Variants in LRMDA observed in about 807,000 individuals in gnomAD.
LRMDA encodes the protein leucine rich melanocyte differentiation associated.
A neutral mutation model predicts 29.8 loss-of-function variants in LRMDA; 18 were observed. The observed-to-expected ratio is 0.60, with a 90% CI of 0.42 to 0.90. The LOEUF is 0.90. Among genes scored for constraint, LRMDA ranks in the 40% least tolerant of loss-of-function variants. LRMDA has a pLI of 0.00. For synonymous variants in LRMDA, 125 were observed against 109.4 expected, an observed-to-expected ratio of 1.14 and a Z score of -0.89; for missense variants, 273 against 273.9, an observed-to-expected ratio of 1.00 and a Z score of 0.02.
At chr10:75,610,901 A>T (rs1270639168) in intron 2 of LRMDA, among the ~76,000 whole-genome samples, 1 of 152,092 alleles carries the variant, frequency 6.6e-6, no homozygotes, top group African/African-American at 2.4e-5. Flanking sequence ...GGAGTCGTAA[A>T]TTTTTCTTTT....
intron 5 of LRMDA, among the ~76,000 whole-genome samples, chr10:76,158,329 A>C (rs1414672673): frequency 1.3e-5 from 2 of 152,194 alleles, no homozygotes; most frequent in Admixed American, 1.3e-4. Flanking sequence ...CTTCTAAACC[A>C]GGCCCCTTTG....
intron 5 of LRMDA, among the ~76,000 whole-genome samples, chr10:76,136,567 G>A (rs1850098073): frequency 1.3e-5 from 2 of 151,378 alleles, no homozygotes; most frequent in Non-Finnish European, 2.9e-5. Context: ...GGAAGGTTTT[G>A]TGTCTTCCAG....
At chr10:76,397,313 T>C (rs893780730) in intron 6 of LRMDA, among the ~76,000 whole-genome samples, 1 of 152,136 alleles carries the variant, frequency 6.6e-6, no homozygotes, top group Non-Finnish European at 1.5e-5. Flanking sequence ...CTGTTTTTAT[T>C]GGCCATGCCT....
At chr10:76,518,295 C>CTATCTATA (rs1476744859) in intron 6 of LRMDA, among the ~76,000 whole-genome samples, 3 of 150,174 alleles carry the variant, frequency 2.0e-5, no homozygotes, top group Non-Finnish European at 4.4e-5. Flanking sequence ...ATCTATCTAT[C>CTATCTATA]TATCTATCTA....
intron 5 of LRMDA, among the ~76,000 whole-genome samples, chr10:76,130,346 C>T (rs193060447): frequency 5.3e-5 from 8 of 152,336 alleles, no homozygotes; most frequent in Admixed American, 1.3e-4. Context: ...AACCTCACCT[C>T]TGTTACTCTC....
intron 2 of LRMDA, among the ~76,000 whole-genome samples, chr10:75,647,358 C>T (rs551319230): frequency 6.6e-6 from 1 of 152,298 alleles, no homozygotes; most frequent in Non-Finnish European, 1.5e-5. Context: ...GAGACTCAAA[C>T]AGGCTGGGGA....
intron 2 of LRMDA, among the ~76,000 whole-genome samples, chr10:75,613,071 G>T (rs879509144): frequency 1.3e-5 from 2 of 151,734 alleles, no homozygotes; most frequent in African/African-American, 4.8e-5. Flanking sequence ...CTCAGGACAG[G>T]CATGTTACAC....
intron 2 of LRMDA, among the ~76,000 whole-genome samples, chr10:75,620,581 C>A (rs1397975506): frequency 2.0e-5 from 3 of 152,194 alleles, no homozygotes; most frequent in Non-Finnish European, 4.4e-5. Flanking sequence ...TTGGTATATA[C>A]AGTCTTGCTC....
intron 5 of LRMDA, among the ~76,000 whole-genome samples, chr10:76,194,242 G>A (rs982275439): frequency 4.6e-5 from 7 of 152,192 alleles, no homozygotes; most frequent in Non-Finnish European, 7.3e-5. Flanking sequence ...AACAGGATAA[G>A]ATTTGTGTTT....
intron 5 of LRMDA, among the ~76,000 whole-genome samples, chr10:76,259,546 G>C (rs1478137033): frequency 6.6e-6 from 1 of 152,010 alleles, no homozygotes; most frequent in Non-Finnish European, 1.5e-5. Context: ...TGTAGCTGTT[G>C]GCTGAAATGT....
At chr10:76,477,839 G>A (rs1320370698) in intron 6 of LRMDA, among the ~76,000 whole-genome samples, 2 of 152,126 alleles carry the variant, frequency 1.3e-5, no homozygotes, top group African/African-American at 2.4e-5. Flanking sequence ...TGGGAAAACT[G>A]GCTAGCCATA....
At chr10:75,845,491 T>C (rs1036852032) in intron 2 of LRMDA, among the ~76,000 whole-genome samples, 2 of 152,356 alleles carry the variant, frequency 1.3e-5, no homozygotes, top group Non-Finnish European at 2.9e-5. Flanking sequence ...GTGTCCCTCA[T>C]TGGCATTTGG....
intron 6 of LRMDA, among the ~76,000 whole-genome samples, chr10:76,413,015 T>C (rs1488765652): frequency 6.6e-6 from 1 of 152,188 alleles, no homozygotes; most frequent in Admixed American, 6.5e-5. Flanking sequence ...TTTGCCTTAC[T>C]GACTCTTTGG....
At chr10:75,791,430 A>G (rs1479557070) in intron 2 of LRMDA, among the ~76,000 whole-genome samples, 1 of 152,230 alleles carries the variant, frequency 6.6e-6, no homozygotes, top group Non-Finnish European at 1.5e-5. Flanking sequence ...ATTTTTTAAT[A>G]AAGCCATTTA....
chr10:76,255,865 G>T (rs1193290186), intron 5 of LRMDA, among the ~76,000 whole-genome samples: 1 of 152,190 alleles, frequency 6.6e-6, no homozygotes. Context: ...GTCTGAAGGG[G>T]ATTTAATTTA....
intron 2 of LRMDA, among the ~76,000 whole-genome samples, chr10:75,667,835 T>G (rs569411785): frequency 6.6e-6 from 1 of 152,234 alleles, no homozygotes; most frequent in South Asian, 2.1e-4. Context: ...TAGCATGTCT[T>G]TCTGTTCATT....
intron 2 of LRMDA, among the ~76,000 whole-genome samples, chr10:75,672,157 G>C (rs76151391): frequency 0.017 from 2,589 of 152,148 alleles, 75 homozygotes; most frequent in African/African-American, 0.06. Flanking sequence ...CAAATGAGTG[G>C]GTTCTAACTT....
At chr10:76,257,072 A>C (rs1267476406) in intron 5 of LRMDA, among the ~76,000 whole-genome samples, 1 of 152,208 alleles carries the variant, frequency 6.6e-6, no homozygotes, top group Non-Finnish European at 1.5e-5. Context: ...CAAACCATGA[A>C]GTGTACTATT....
At chr10:76,507,902 A>G (rs993102333) in intron 6 of LRMDA, among the ~76,000 whole-genome samples, 1 of 152,006 alleles carries the variant, frequency 6.6e-6, no homozygotes, top group Non-Finnish European at 1.5e-5. Context: ...CTATAGCTTT[A>G]TAGTACATTT....
Sources: allele counts gnomAD v4.1 joint callset (sites outside exome capture counted in the v4.1 genomes callset), GRCh38; gene constraint gnomAD v4.1.1; transcripts MANE v1.5; gene names NCBI Gene and HGNC (gene_info 2026-07-23, HGNC 2026-07-21).